ADGRB3: variants seen among roughly 807,000 people sequenced by gnomAD.
ADGRB3 encodes adhesion G protein-coupled receptor B3, also known as brain-specific angiogenesis inhibitor 3.
ADGRB3 carries 37 observed loss-of-function variants against 193.4 expected under a neutral mutation model. That is an observed-to-expected ratio of 0.19 (90% CI 0.15 to 0.25). The LOEUF (loss-of-function observed/expected upper bound fraction) is 0.25, where lower values mean the gene tolerates loss of function less well. Among genes scored for constraint, ADGRB3 ranks in the 10% least tolerant of loss-of-function variants. The pLI is 1.00. For synonymous variants in ADGRB3, 690 were observed against 644.2 expected, an observed-to-expected ratio of 1.07 and a Z score of -1.08; for missense variants, 1,637 against 1,852.9, an observed-to-expected ratio of 0.88 and a Z score of 2.14.
chr6:69,380,161 T>A (rs1055227545), intron 30 of ADGRB3, among the ~76,000 whole-genome samples: 1 of 151,968 alleles, frequency 6.6e-6, no homozygotes, highest in African/African-American at 2.4e-5. Flanking sequence ...TGGAATGTAT[T>A]TGATGCTTGG....
chr6:69,277,704 T>C lies in ADGRB3; in HGVS notation c.2814+38478T>C, dbSNP rs535065412. ...TTATTTGTATTATCATTATTGTTGT[T>C]ATTATTAAGAAAAAAGAGAAATGGC... is the stretch of plus-strand genomic sequence containing the variant. On this transcript the variant is annotated intron_variant, in intron 20 of 31. Transcript: ENST00000370598. Among the ~76,000 whole-genome samples the C allele has an allele frequency of 3.9e-5, 6 of 152,278 alleles. No homozygotes were observed. The East Asian group carries it at 1.2e-3, about 29-fold the overall frequency.
At chr6:68,822,875 T>C (rs1767772514) in intron 3 of ADGRB3, among the ~76,000 whole-genome samples, 1 of 152,018 alleles carries the variant, frequency 6.6e-6, no homozygotes, top group African/African-American at 2.4e-5. Context: ...TTAAGAATCT[T>C]TGGAAGAATA....
At chr6:68,909,317 G>A (rs1766635135) in intron 3 of ADGRB3, among the ~76,000 whole-genome samples, 1 of 152,074 alleles carries the variant, frequency 6.6e-6, no homozygotes, top group African/African-American at 2.4e-5. Context: ...ACAACACCCT[G>A]CCTGTGTGTA....
chr6:69,311,647 A>G (rs1768196887), intron 20 of ADGRB3, among the ~76,000 whole-genome samples: 2 of 151,724 alleles, frequency 1.3e-5, no homozygotes, highest in South Asian at 4.1e-4. Flanking sequence ...TCACCTTCCT[A>G]CCATAAAATA....
intron 25 of ADGRB3, 137 bp downstream of exon 25, chr6:69,339,151 T>A (rs1341177116): frequency 2.0e-5 from 22 of 1,101,998 alleles, no homozygotes; most frequent in Non-Finnish European, 2.7e-5. Flanking sequence ...GGCAACTGTC[T>A]TTATAGCTAT....
intron 8 of ADGRB3, among the ~76,000 whole-genome samples, chr6:68,966,770 T>C (rs1768392038): frequency 6.6e-6 from 1 of 152,170 alleles, no homozygotes; most frequent in South Asian, 2.1e-4. Flanking sequence ...TACTTAGCCT[T>C]TTCTATGTGT....
At position 68,751,276 on chromosome 6, in the gene ADGRB3, A is replaced by G. The variant is rs116110811; in HGVS notation, c.757+111844A>G. ...ATAGTTTAGACTTCTACCGTGTTTC[A>G]TGGGCCAATTTATCCCTCTCGGTAA... On this transcript the variant is annotated intron_variant, in intron 3 of 31. Coordinates refer to ENST00000370598, the MANE Select transcript of ADGRB3 (RefSeq NM_001704.3). Among the ~76,000 whole-genome samples the G allele has an allele frequency of 4.2e-3, 638 of 152,186 alleles. 6 individuals carry two copies. The highest frequency in any genetic ancestry group is 0.015 in the African/African-American group (608 of 41,552).
chr6:69,333,563 T>C (rs1002936660), intron 24 of ADGRB3, among the ~76,000 whole-genome samples: 14 of 152,042 alleles, frequency 9.2e-5, no homozygotes, highest in Non-Finnish European at 1.6e-4. Context: ...ATTCATAATT[T>C]TCACACTTTA....
At chr6:69,127,384 AT>A (rs1276613949) in intron 17 of ADGRB3, among the ~76,000 whole-genome samples, 1 of 152,204 alleles carries the variant, frequency 6.6e-6, no homozygotes, top group Non-Finnish European at 1.5e-5. Context: ...AGGGAAAAGG[AT>A]GTCACAGAAC....
At chr6:69,174,662 G>C (rs936370349) in intron 17 of ADGRB3, among the ~76,000 whole-genome samples, 1 of 152,170 alleles carries the variant, frequency 6.6e-6, no homozygotes. Flanking sequence ...TAAGTTCTCA[G>C]AGAAATCTGA....
intron 8 of ADGRB3, among the ~76,000 whole-genome samples, chr6:68,960,190 C>T (rs1410707915): frequency 6.6e-6 from 1 of 152,096 alleles, no homozygotes; most frequent in Non-Finnish European, 1.5e-5. Context: ...CTACCATTTA[C>T]AAGTAAAAAT....
At chr6:69,090,858 T>A (rs1201899556) in intron 17 of ADGRB3, among the ~76,000 whole-genome samples, 1 of 152,290 alleles carries the variant, frequency 6.6e-6, no homozygotes, top group South Asian at 2.1e-4. Flanking sequence ...ATAGGGGAAA[T>A]AAGCTTTACA....
At chr6:68,737,277 T>C (rs1052805393) in intron 3 of ADGRB3, among the ~76,000 whole-genome samples, 3 of 152,104 alleles carry the variant, frequency 2.0e-5, no homozygotes, top group Non-Finnish European at 4.4e-5. Flanking sequence ...GCACTGAGTA[T>C]TTTGTGGTTT....
chr6:69,146,570 G>A (rs916331670), intron 17 of ADGRB3, among the ~76,000 whole-genome samples: 2 of 152,212 alleles, frequency 1.3e-5, no homozygotes, highest in East Asian at 1.9e-4. Context: ...GGAACAAGAG[G>A]CTTTTGCCCT....
At chr6:68,725,396 T>C (rs1346847555) in intron 3 of ADGRB3, among the ~76,000 whole-genome samples, 1 of 151,634 alleles carries the variant, frequency 6.6e-6, no homozygotes, top group Non-Finnish European at 1.5e-5. Context: ...AAAACTAGAA[T>C]GATAGAAGCT....
At chr6:69,252,422 G>C (rs982376154) in intron 20 of ADGRB3, among the ~76,000 whole-genome samples, 2 of 152,002 alleles carry the variant, frequency 1.3e-5, no homozygotes, top group Admixed American at 1.3e-4. Context: ...AAGAAGCTAG[G>C]AGTAAAATTG....
At chr6:69,200,631 A>T (rs911049209) in intron 17 of ADGRB3, among the ~76,000 whole-genome samples, 1 of 152,128 alleles carries the variant, frequency 6.6e-6, no homozygotes, top group Admixed American at 6.6e-5. Context: ...TAAGCATCTG[A>T]TGGAAGCAGC....
intron 2 of ADGRB3, among the ~76,000 whole-genome samples, chr6:68,637,858 C>T (rs1319221724): frequency 6.6e-6 from 1 of 151,516 alleles, no homozygotes; most frequent in East Asian, 1.9e-4. Context: ...TACAGTGATC[C>T]ACTTTATGTA....
intron 3 of ADGRB3, among the ~76,000 whole-genome samples, chr6:68,904,727 G>T (rs1296541765): frequency 6.6e-6 from 1 of 152,084 alleles, no homozygotes; most frequent in Non-Finnish European, 1.5e-5. Flanking sequence ...TAGATACTTA[G>T]GTTGTTTCCA....
Sources: allele counts gnomAD v4.1 joint callset (sites outside exome capture counted in the v4.1 genomes callset), GRCh38; gene constraint gnomAD v4.1.1; transcripts MANE v1.5; gene names NCBI Gene and HGNC (gene_info 2026-07-23, HGNC 2026-07-21).